The following KLHL32 variants were observed in gnomAD, a reference collection of about 807,000 sequenced individuals.
The protein encoded by KLHL32 is kelch-like protein 32.
Under a neutral mutation model 64.8 loss-of-function variants are expected in KLHL32, and 35 were observed. The ratio of observed to expected loss-of-function variants is 0.54; its 90% CI spans 0.41 to 0.72. The LOEUF (loss-of-function observed/expected upper bound fraction) is 0.72. Ranked by LOEUF, KLHL32 falls within the 30% of genes least tolerant of loss-of-function variation. KLHL32 has a pLI of 0.00. For synonymous variants in KLHL32, 259 were observed against 281.0 expected, an observed-to-expected ratio of 0.92 and a Z score of 0.78; for missense variants, 589 against 768.5, an observed-to-expected ratio of 0.77 and a Z score of 2.76.
intron 3 of KLHL32, among the ~76,000 whole-genome samples, chr6:96,981,209 G>C (rs759600635): frequency 6.6e-6 from 1 of 152,082 alleles, no homozygotes; most frequent in Non-Finnish European, 1.5e-5. Context: ...CATATCAGTA[G>C]GCTTCTTCTT....
intron 1 of KLHL32, among the ~76,000 whole-genome samples, chr6:96,957,344 A>T (rs1476260595): frequency 6.6e-6 from 1 of 152,168 alleles, no homozygotes; most frequent in Non-Finnish European, 1.5e-5. Context: ...TTGCTATTGG[A>T]TTAAGAACTT....
At chr6:97,094,552 G>C (rs1046757182) in intron 6 of KLHL32, among the ~76,000 whole-genome samples, 7 of 152,154 alleles carry the variant, frequency 4.6e-5, no homozygotes, top group Admixed American at 1.3e-4. Flanking sequence ...CATTCTCCAT[G>C]GTGAGGATCC....
intron 2 of KLHL32, among the ~76,000 whole-genome samples, chr6:96,970,302 G>A (rs1774970224): frequency 6.6e-6 from 1 of 152,132 alleles, no homozygotes; most frequent in Admixed American, 6.6e-5. Flanking sequence ...CTGCACAAGT[G>A]GGCTCAGGCC....
chr6:96,916,557 A>T, the KLHL32 span, among the ~76,000 whole-genome samples: 1 of 151,980 alleles, frequency 6.6e-6, no homozygotes, highest in African/African-American at 2.4e-5. Flanking sequence ...GTAATTTATC[A>T]CCCTCTGTTA....
intron 7 of KLHL32, among the ~76,000 whole-genome samples, chr6:97,122,283 G>T (rs1477759900): frequency 1.3e-5 from 2 of 152,088 alleles, no homozygotes; most frequent in Non-Finnish European, 2.9e-5. Context: ...AGTATATTAA[G>T]TACCCATCAT....
intron 1 of KLHL32, among the ~76,000 whole-genome samples, chr6:96,939,479 A>C (rs1178422706): frequency 6.6e-6 from 1 of 152,150 alleles, no homozygotes; most frequent in African/African-American, 2.4e-5. Flanking sequence ...GGTTCATGGC[A>C]TTGTTAAAAG....
At chr6:96,994,605 T>C (rs758925326) in intron 3 of KLHL32, 127 of 985,442 alleles carry the variant, frequency 1.3e-4, no homozygotes, top group Non-Finnish European at 1.5e-4. Context: ...TCCTTTATAT[T>C]GGTCTGTGAG....
intron 6 of KLHL32, among the ~76,000 whole-genome samples, chr6:97,107,390 A>T (rs996235202): frequency 2.0e-5 from 3 of 151,726 alleles, no homozygotes; most frequent in South Asian, 2.1e-4. Context: ...AGATATAATT[A>T]AAAAATACAT....
At chr6:97,043,758 G>A (rs181174984) in intron 4 of KLHL32, among the ~76,000 whole-genome samples, 10 of 152,052 alleles carry the variant, frequency 6.6e-5, no homozygotes, top group Middle Eastern at 3.4e-3. Flanking sequence ...GGGGTGAGGC[G>A]ATATCTCACC....
At chr6:97,063,483 G>A (rs1789238395) in intron 4 of KLHL32, among the ~76,000 whole-genome samples, 1 of 152,188 alleles carries the variant, frequency 6.6e-6, no homozygotes, top group African/African-American at 2.4e-5. Context: ...AAAAGGTACT[G>A]ATACAGATGT....
the KLHL32 span, among the ~76,000 whole-genome samples, chr6:96,911,376 A>G: frequency 6.6e-6 from 1 of 151,404 alleles, no homozygotes; most frequent in Non-Finnish European, 1.5e-5. Context: ...CCTAGAACCA[A>G]CTCAAGCATT....
At chr6:97,052,839 T>C (rs2128137992) in intron 4 of KLHL32, among the ~76,000 whole-genome samples, 1 of 152,356 alleles carries the variant, frequency 6.6e-6, no homozygotes, top group African/African-American at 2.4e-5. Flanking sequence ...CTTCACTTTT[T>C]ATGCAATGTT....
At chr6:97,040,120 A>G (rs1784903057) in intron 3 of KLHL32, among the ~76,000 whole-genome samples, 1 of 152,154 alleles carries the variant, frequency 6.6e-6, no homozygotes, top group Admixed American at 6.5e-5. Flanking sequence ...AAAATTCAGC[A>G]TGAACTAAAT....
chr6:97,063,716 G>A (rs896316658), intron 4 of KLHL32, among the ~76,000 whole-genome samples: 4 of 152,172 alleles, frequency 2.6e-5, no homozygotes, highest in Non-Finnish European at 4.4e-5. Flanking sequence ...GTATGTCTGG[G>A]AGGCTCCCAA....
chr6:96,990,764 C>T (rs1347407805), intron 3 of KLHL32, among the ~76,000 whole-genome samples: 3 of 142,596 alleles, frequency 2.1e-5, no homozygotes, highest in Non-Finnish European at 4.6e-5. Context: ...GGGGTGGGGG[C>T]GGGGCTTGCT....
At chr6:97,022,777 C>T (rs1280549087) in intron 3 of KLHL32, among the ~76,000 whole-genome samples, 1 of 152,074 alleles carries the variant, frequency 6.6e-6, no homozygotes, top group Non-Finnish European at 1.5e-5. Context: ...GCCCTGATCA[C>T]CTAATTTTTA....
At chr6:96,980,841 A>G (rs1230881892) in intron 3 of KLHL32, among the ~76,000 whole-genome samples, 1 of 152,146 alleles carries the variant, frequency 6.6e-6, no homozygotes, top group Non-Finnish European at 1.5e-5. Context: ...GCTGCTAATA[A>G]AGACATACCT....
intron 3 of KLHL32, among the ~76,000 whole-genome samples, chr6:96,985,606 C>T (rs1272208559): frequency 1.3e-5 from 2 of 152,132 alleles, no homozygotes; most frequent in Admixed American, 6.5e-5. Flanking sequence ...TCTCTTCTTG[C>T]TTCATTTCAT....
chr6:96,989,665 A>T (rs994451834), intron 3 of KLHL32, among the ~76,000 whole-genome samples: 1 of 151,894 alleles, frequency 6.6e-6, no homozygotes, highest in African/African-American at 2.4e-5. Context: ...AACTTGGGAA[A>T]TTTTTCTGGA....
Sources: gnomAD v4.1 joint callset for allele counts (sites outside exome capture counted in the v4.1 genomes callset) on GRCh38, gnomAD v4.1.1 for gene constraint, MANE v1.5 for transcripts, NCBI Gene and HGNC (gene_info 2026-07-23, HGNC 2026-07-21) for gene names.